MACROD2: variants seen among roughly 807,000 people sequenced by gnomAD.
MACROD2 encodes the protein mono-ADP ribosylhydrolase 2.
Under a neutral mutation model 70.4 loss-of-function variants are expected in MACROD2, and 36 were observed. The observed-to-expected ratio is 0.51, with a 90% CI of 0.39 to 0.68. The LOEUF (loss-of-function observed/expected upper bound fraction) is 0.68. MACROD2 is among the 30% of genes least tolerant of loss of function. MACROD2 has a pLI of 0.00. For missense variants in MACROD2, 496 were observed against 538.4 expected, an observed-to-expected ratio of 0.92 and a Z score of 0.78; for synonymous variants, 172 against 178.8, an observed-to-expected ratio of 0.96 and a Z score of 0.30.
chr20:14,287,964 C>A (rs2082357887), intron 3 of MACROD2, among the ~76,000 whole-genome samples: 1 of 152,120 alleles, frequency 6.6e-6, no homozygotes, highest in East Asian at 1.9e-4. Flanking sequence ...ATAATGTAAT[C>A]ATGTACACTG....
At chr20:14,116,740 T>C (rs552526592) in intron 3 of MACROD2, among the ~76,000 whole-genome samples, 1 of 152,244 alleles carries the variant, frequency 6.6e-6, no homozygotes, top group Non-Finnish European at 1.5e-5. Flanking sequence ...TTTGATGTGT[T>C]ATACTGAGTT....
intron 5 of MACROD2, among the ~76,000 whole-genome samples, chr20:15,116,414 A>T (rs1400017959): frequency 1.3e-5 from 2 of 152,184 alleles, no homozygotes; most frequent in Non-Finnish European, 2.9e-5. Flanking sequence ...AGGCCAAGGC[A>T]GGTGGATCAC....
chr20:14,031,748 A>G (rs372399729), intron 2 of MACROD2, among the ~76,000 whole-genome samples: 1 of 151,828 alleles, frequency 6.6e-6, no homozygotes, highest in South Asian at 2.1e-4. Context: ...CTCCTTCCCT[A>G]AACACCCAAT....
chr20:15,734,291 C>A (rs907165150), intron 8 of MACROD2, among the ~76,000 whole-genome samples: 8 of 152,054 alleles, frequency 5.3e-5, no homozygotes, highest in African/African-American at 1.2e-4. Context: ...GCAGAGTCAG[C>A]AAATAGGAGT....
intron 4 of MACROD2, among the ~76,000 whole-genome samples, chr20:14,611,821 A>G (rs1330688904): frequency 6.6e-6 from 1 of 152,160 alleles, no homozygotes; most frequent in Non-Finnish European, 1.5e-5. Flanking sequence ...GCTTTTTAAA[A>G]ACACATACTT....
At chr20:14,674,051 C>A (rs1030691990) in intron 4 of MACROD2, among the ~76,000 whole-genome samples, 2 of 151,934 alleles carry the variant, frequency 1.3e-5, no homozygotes, top group Admixed American at 6.6e-5. Flanking sequence ...GTGACCCATT[C>A]CCTAAAATGT....
chr20:15,956,001 C>A (rs892198903), intron 12 of MACROD2, among the ~76,000 whole-genome samples: 5 of 152,064 alleles, frequency 3.3e-5, no homozygotes, highest in African/African-American at 1.2e-4. Flanking sequence ...ATTATTGATA[C>A]AATATTTTAC....
At chr20:14,090,572 CAA>C (rs10715091) in intron 3 of MACROD2, among the ~76,000 whole-genome samples, 1,560 of 143,346 alleles carry the variant, frequency 0.011, 13 homozygotes, top group African/African-American at 0.019. Context: ...GACTCCGTGT[CAA>C]AAAAAAAAAA....
intron 3 of MACROD2, among the ~76,000 whole-genome samples, chr20:14,492,818 C>T (rs1188022536): frequency 6.6e-6 from 1 of 152,050 alleles, no homozygotes; most frequent in Non-Finnish European, 1.5e-5. Flanking sequence ...CAGCAGAAAC[C>T]TGCAATGGAA....
At position 15,859,664 on chromosome 20, in the gene MACROD2, A is replaced by G. The variant is rs545614655; in HGVS notation, c.646-3081A>G. ...AATTCTTGGATTCACCTTGCTTCCAAGACATTTTCCGTGTTATGCCTAAGG... is the reference window on the plus strand; with the variant it reads ...AATTCTTGGATTCACCTTGCTTCCAGGACATTTTCCGTGTTATGCCTAAGG... On this transcript the variant is annotated intron_variant, in intron 8 of 17. Transcript: ENST00000684519. 4.6e-5 allele frequency among the ~76,000 whole-genome samples: 7 copies of G among 152,272 alleles called. No homozygotes were observed. The South Asian group carries it at 1.5e-3, about 32-fold the overall frequency.
chr20:15,211,316 T>C (rs1015935854), intron 5 of MACROD2, among the ~76,000 whole-genome samples: 4 of 152,232 alleles, frequency 2.6e-5, no homozygotes, highest in Non-Finnish European at 5.9e-5. Context: ...ATTAGATGGA[T>C]ATACATTTGG....
At chr20:15,824,155 A>C (rs2063971333) in intron 8 of MACROD2, among the ~76,000 whole-genome samples, 1 of 152,056 alleles carries the variant, frequency 6.6e-6, no homozygotes, top group Non-Finnish European at 1.5e-5. Flanking sequence ...TGTACAAGTT[A>C]CTCTTACCAA....
At chr20:14,400,903 A>G (rs1382138422) in intron 3 of MACROD2, among the ~76,000 whole-genome samples, 1 of 152,180 alleles carries the variant, frequency 6.6e-6, no homozygotes, top group Non-Finnish European at 1.5e-5. Flanking sequence ...AATATCCATT[A>G]GTACTTATGA....
At chr20:14,070,249 A>G (rs1269706137) in intron 2 of MACROD2, among the ~76,000 whole-genome samples, 1 of 152,208 alleles carries the variant, frequency 6.6e-6, no homozygotes, top group African/African-American at 2.4e-5. Context: ...ATCTTCTAAT[A>G]TAACATCTAT....
At chr20:15,046,053 G>T (rs1480211011) in intron 5 of MACROD2, among the ~76,000 whole-genome samples, 1 of 151,826 alleles carries the variant, frequency 6.6e-6, no homozygotes, top group Non-Finnish European at 1.5e-5. Context: ...GTACGCTCAA[G>T]GCTTCAGTTA....
chr20:15,140,362 T>C (rs1050341781), intron 5 of MACROD2, among the ~76,000 whole-genome samples: 3 of 152,084 alleles, frequency 2.0e-5, no homozygotes, highest in Non-Finnish European at 2.9e-5. Context: ...TATAATATCA[T>C]TTCCTTCAAA....
chr20:15,036,972 G>A (rs2075318285), intron 5 of MACROD2, among the ~76,000 whole-genome samples: 1 of 151,612 alleles, frequency 6.6e-6, no homozygotes, highest in South Asian at 2.1e-4. Flanking sequence ...ATCTTTATGT[G>A]TTCTTTTAGA....
At chr20:15,736,876 G>C (rs1361719917) in intron 8 of MACROD2, among the ~76,000 whole-genome samples, 1 of 152,106 alleles carries the variant, frequency 6.6e-6, no homozygotes, top group Admixed American at 6.6e-5. Context: ...GATATTGAGG[G>C]ACAATTGTAT....
At chr20:15,721,228 G>A (rs1310591574) in intron 8 of MACROD2, among the ~76,000 whole-genome samples, 1 of 97,600 alleles carries the variant, frequency 1.0e-5, no homozygotes, top group East Asian at 2.4e-4. Context: ...ACATTGCATT[G>A]CAATGGTCTA....
Sources: gnomAD v4.1 joint callset for allele counts (sites outside exome capture counted in the v4.1 genomes callset) on GRCh38, gnomAD v4.1.1 for gene constraint, MANE v1.5 for transcripts, NCBI Gene and HGNC (gene_info 2026-07-23, HGNC 2026-07-21) for gene names.